Variants in SLC6A17 observed in about 807,000 individuals in gnomAD.
SLC6A17 encodes sodium-dependent neutral amino acid transporter SLC6A17.
Under a neutral mutation model 64.5 loss-of-function variants are expected in SLC6A17, and 21 were observed. That is an observed-to-expected ratio of 0.33 (90% CI 0.23 to 0.47). SLC6A17 has a LOEUF of 0.47. SLC6A17 is among the 20% of genes least tolerant of loss of function. SLC6A17 has a pLI of 1.00. For synonymous variants in SLC6A17, 372 were observed against 399.5 expected, an observed-to-expected ratio of 0.93 and a Z score of 0.82; for missense variants, 682 against 963.2, an observed-to-expected ratio of 0.71 and a Z score of 3.86.
rs2761446 is a variant in SLC6A17, at chr1:110,198,459, C to A, written c.*15C>A. On this transcript the variant is annotated 3_prime_UTR_variant, in exon 12 of 12. Transcript: ENST00000331565. ...CGGAGCTGTGACCACTGCCCAAGCC[C>A]TGCCCGCCTCTCCCCCCACGCTCAA... The A allele has an allele frequency of 1.9e-6, 3 of 1,584,128 alleles. No individual in the cohort carries two copies. Among genetic ancestry groups the A allele is most frequent in the Non-Finnish European group, 2.6e-6 (3 of 1,164,094 alleles).
At chr1:110,157,541 C>T (rs1655790704) in intron 1 of SLC6A17, among the ~76,000 whole-genome samples, 1 of 151,940 alleles carries the variant, frequency 6.6e-6, no homozygotes, top group Admixed American at 6.6e-5. Context: ...CCACTGCACT[C>T]CAGCCTGGGC....
intron 1 of SLC6A17, among the ~76,000 whole-genome samples, chr1:110,152,237 G>A (rs549297650): frequency 6.6e-6 from 1 of 152,310 alleles, no homozygotes; most frequent in Admixed American, 6.5e-5. Flanking sequence ...CACGAGGACC[G>A]TCAGAGGCTT....
chr1:110,195,803 C>T (rs1433761460), intron 10 of SLC6A17, 58 bp downstream of exon 10: 1 of 1,599,412 alleles, frequency 6.3e-7, no homozygotes, highest in South Asian at 1.1e-5. Context: ...TATCATGACT[C>T]CCTGGAGAGG....
Position 110,201,100 on chromosome 1 carries a change from G to A in SLC6A17, c.*2656G>A, listed in dbSNP as rs1212206132. On this transcript the variant is annotated 3_prime_UTR_variant, in exon 12 of 12. Coordinates refer to ENST00000331565, the MANE Select transcript of SLC6A17 (RefSeq NM_001010898.4). ...ACCAGTCAGCTTCTTGCTGTTCCCA[G>A]TAGAATCGCTAGCTCTTCTCCAGAG... 1.3e-5 allele frequency: 2 copies of A among 152,194 alleles called. No homozygotes were observed. The highest frequency in any genetic ancestry group is 4.8e-5 in the African/African-American group (2 of 41,428). The allele number at this position is 152,194 out of a possible 1,614,324, so 9.4% of individuals were successfully genotyped here. A position where few individuals can be genotyped will look rare whatever the true frequency, so the allele number is the denominator to read the frequency against.
chr1:110,174,903 C>A lies in SLC6A17; in HGVS notation c.696C>A (p.Leu232=). The A allele has an allele frequency of 1.2e-6, 2 of 1,614,152 alleles. No homozygotes were observed. Among genetic ancestry groups the A allele is most frequent in the Non-Finnish European group, 1.7e-6 (2 of 1,180,008 alleles). Residue 232 remains leucine (L), a synonymous_variant, in exon 5 of 12, where the codon CTC becomes CTA. Coordinates refer to ENST00000331565, the MANE Select transcript of SLC6A17 (RefSeq NM_001010898.4). ...ACTGGAAGATGACCCTGTGCCTCCTCGTGGCCTGGAGCATCGTGGGGATGG... is the reference window on the plus strand; with the variant it reads ...ACTGGAAGATGACCCTGTGCCTCCTAGTGGCCTGGAGCATCGTGGGGATGG... ...GLNWKMTLCL[L]VAWSIVGMAV... is the part of the protein sequence containing the mutation.
rs966064580 is a variant in SLC6A17, at chr1:110,167,111, C to T, written c.182C>T (p.Pro61Leu). 8.1e-6 allele frequency: 13 copies of T among 1,612,876 alleles called. No homozygotes were observed. The highest frequency in any genetic ancestry group is 7.7e-5 in the South Asian group (7 of 90,928). Residue 61 changes from proline to leucine, a missense_variant, in exon 2 of 12, where the codon CCG (proline) becomes CTG (leucine). By Grantham distance (98) the Pro-to-Leu change is moderately conservative (BLOSUM62 -3). Around this residue, in one of 3 missense-constraint regions of SLC6A17, gnomAD observed 415 missense variants for 603.8 expected, o/e 0.69. Coordinates refer to ENST00000331565, the MANE Select transcript of SLC6A17 (RefSeq NM_001010898.4). ...GAGGAGCTGGATGCAGAGGACCGGC[C>T]GGCCTGGAACAGTAAGCTGCAGTAC... ...VEEELDAEDRPAWNSKLQYIL... is the reference protein window; with the variant it reads ...VEEELDAEDRLAWNSKLQYIL...
In SLC6A17 at chr1:110,201,711, G is replaced by A. The variant is rs1245943187; in HGVS notation, c.*3267G>A. On this transcript the variant is annotated 3_prime_UTR_variant, in exon 12 of 12. Coordinates refer to ENST00000331565, the MANE Select transcript of SLC6A17 (RefSeq NM_001010898.4). ...GTCAGCCTGTGTGGGTCATGAGGCT[G>A]GGGCCCAGGAGACACGGTCCCAGGC... is the stretch of plus-strand genomic sequence containing the variant. 2.0e-5 allele frequency: 3 copies of A among 152,216 alleles called. No homozygotes were observed. Among genetic ancestry groups the A allele is most frequent in the Non-Finnish European group, 4.4e-5 (3 of 68,080 alleles). 9.4% of individuals were successfully genotyped at this position (152,216 alleles called of 1,614,324 possible).
Position 110,184,774 on chromosome 1 carries a change from C to T in SLC6A17, c.865-7198C>T, listed in dbSNP as rs561970224. ...AGAGGAACACACCCACACATATTCA[C>T]GTGCGTGTATGTATATGTGTATGTA... On this transcript the variant is annotated intron_variant, in intron 6 of 11. Coordinates refer to ENST00000331565, the MANE Select transcript of SLC6A17 (RefSeq NM_001010898.4). Among the ~76,000 whole-genome samples, 17 of 152,280 alleles carry T rather than the reference C, an allele frequency of 1.1e-4. No homozygotes were observed. The South Asian group carries it at 2.5e-3, about 22-fold the overall frequency.
intron 6 of SLC6A17, among the ~76,000 whole-genome samples, chr1:110,189,047 C>A (rs1656759535): frequency 1.3e-5 from 2 of 152,206 alleles, no homozygotes; most frequent in Admixed American, 1.3e-4. Flanking sequence ...GACTCTCCCT[C>A]TTCCCTGCAT....
chr1:110,174,341 T>C (rs1656316202), intron 4 of SLC6A17, among the ~76,000 whole-genome samples: 1 of 152,204 alleles, frequency 6.6e-6, no homozygotes, highest in Non-Finnish European at 1.5e-5. Context: ...TTAACTGTTA[T>C]TACTCACCCT....
chr1:110,199,794 G>A lies in SLC6A17; in HGVS notation c.*1350G>A. 3 of 396,456 alleles carry A rather than the reference G, an allele frequency of 7.6e-6. No individual in the cohort carries two copies. Among genetic ancestry groups the A allele is most frequent in the Non-Finnish European group, 1.3e-5 (3 of 225,230 alleles). 24.6% of individuals were successfully genotyped at this position (396,456 alleles called of 1,614,324 possible). On this transcript the variant is annotated 3_prime_UTR_variant, in exon 12 of 12. Coordinates refer to ENST00000331565, the MANE Select transcript of SLC6A17 (RefSeq NM_001010898.4). ...CTCTGGAAGAGAACCCATTCTCAGA[G>A]TGCAGCCAGGGAGGAACCTGACCCA...
chr1:110,174,199 C>T lies in SLC6A17; in HGVS notation c.571+100C>T. On this transcript the variant is annotated intron_variant, in intron 4 of 11. Coordinates refer to ENST00000331565, the MANE Select transcript of SLC6A17 (RefSeq NM_001010898.4). Reference sequence around the variant, plus strand: ...TTTGGAATTTCAGACTTGTTGTGTCCCCTTGGATAAGTCACTTAACATCTC... The same window carrying T: ...TTTGGAATTTCAGACTTGTTGTGTCTCCTTGGATAAGTCACTTAACATCTC... 2.0e-6 allele frequency: 3 copies of T among 1,485,498 alleles called. No individual in the cohort carries two copies. In the South Asian group the frequency reaches 4.1e-5, roughly 20 times the overall value. The allele number at this position is 1,485,498 out of a possible 1,614,324, so 92.0% of individuals were successfully genotyped here.
chr1:110,179,387 A>G (rs1295715707), intron 6 of SLC6A17, among the ~76,000 whole-genome samples: 1 of 152,210 alleles, frequency 6.6e-6, no homozygotes, highest in Non-Finnish European at 1.5e-5. Context: ...TAACACTCCC[A>G]CAAGCTGTAC....
At chr1:110,184,634 ACT>A in intron 6 of SLC6A17, among the ~76,000 whole-genome samples, 1 of 151,948 alleles carries the variant, frequency 6.6e-6, no homozygotes. Flanking sequence ...GAGCTCTGGG[ACT>A]CTGTGGGTTC....
chr1:110,177,859 C>T (rs1251851131), intron 6 of SLC6A17: 1 of 152,272 alleles, frequency 6.6e-6, no homozygotes, highest in African/African-American at 2.4e-5. Flanking sequence ...AGGGGTAGTA[C>T]TGGCTAGGGC....
At chr1:110,185,110 C>G (rs1416252414) in intron 6 of SLC6A17, among the ~76,000 whole-genome samples, 1 of 152,180 alleles carries the variant, frequency 6.6e-6, no homozygotes, top group Non-Finnish European at 1.5e-5. Context: ...GGCTCTGGAG[C>G]CAGACGATCT....
intron 1 of SLC6A17, among the ~76,000 whole-genome samples, chr1:110,154,842 A>G (rs1655713378): frequency 6.6e-6 from 1 of 152,122 alleles, no homozygotes; most frequent in African/African-American, 2.4e-5. Flanking sequence ...GAGGCCCCAG[A>G]CCCCAGAGAA....
chr1:110,153,195 G>C (rs1447227289), intron 1 of SLC6A17, among the ~76,000 whole-genome samples: 1 of 152,150 alleles, frequency 6.6e-6, no homozygotes, highest in Non-Finnish European at 1.5e-5. Flanking sequence ...GCTGCAGCAC[G>C]TGCTGGGTGG....
intron 1 of SLC6A17, among the ~76,000 whole-genome samples, chr1:110,157,434 G>C (rs2101837333): frequency 6.6e-6 from 1 of 152,222 alleles, no homozygotes; most frequent in East Asian, 1.9e-4. Flanking sequence ...TTAGCCGGGT[G>C]TGCTGGCATG....
Sources: allele counts gnomAD v4.1 joint callset (sites outside exome capture counted in the v4.1 genomes callset), GRCh38; gene constraint gnomAD v4.1.1; regional missense constraint gnomAD v4.1.1; transcripts MANE v1.5; gene names NCBI Gene and HGNC (gene_info 2026-07-23, HGNC 2026-07-21).